Variants in NLGN1 observed in about 807,000 individuals in gnomAD.
NLGN1 encodes neuroligin 1, also known as neuroligin-1.
A neutral mutation model predicts 65.5 loss-of-function variants in NLGN1; 12 were observed. The ratio of observed to expected loss-of-function variants is 0.18; its 90% CI spans 0.12 to 0.30. The LOEUF (loss-of-function observed/expected upper bound fraction) is 0.30, where lower values mean the gene tolerates loss of function less well. NLGN1 is among the 10% of genes least tolerant of loss of function. The pLI is 1.00. For missense variants in NLGN1, 750 were observed against 1,007.1 expected (o/e 0.74, Z 3.46); for synonymous variants, 350 against 359.5 (o/e 0.97, Z 0.30).
rs191817642 is a variant in NLGN1, at chr3:173,717,590, T to C, written c.494-90090T>C. 1.0e-3 allele frequency among the ~76,000 whole-genome samples: 155 copies of C among 152,300 alleles called. 1 individual carries two copies. The highest frequency in any genetic ancestry group is 3.6e-3 in the African/African-American group (148 of 41,574). On this transcript the variant is annotated intron_variant, in intron 3 of 6. Coordinates refer to ENST00000457714, the Ensembl canonical transcript of NLGN1. Reference sequence around the variant, plus strand: ...TAACCTCAGTACAGGCAATGAATTGTATTTTCTTTTTTATTATAATTGATG... The same window carrying C: ...TAACCTCAGTACAGGCAATGAATTGCATTTTCTTTTTTATTATAATTGATG...
intron 4 of NLGN1, among the ~76,000 whole-genome samples, chr3:173,829,973 CTT>C (rs1722170746): frequency 7.2e-6 from 1 of 138,872 alleles, no homozygotes; most frequent in Admixed American, 7.3e-5. Flanking sequence ...TGCCCGGTGA[CTT>C]TGGGTAGGTT....
chr3:173,465,810 C>G (rs1305458832), intron 2 of NLGN1, among the ~76,000 whole-genome samples: 1 of 151,964 alleles, frequency 6.6e-6, no homozygotes, highest in African/African-American at 2.4e-5. Context: ...CCTCCAACAT[C>G]TAGTGAGAAA....
chr3:173,591,682 G>A (rs1748510369), intron 2 of NLGN1, among the ~76,000 whole-genome samples: 1 of 152,010 alleles, frequency 6.6e-6, no homozygotes, highest in African/African-American at 2.4e-5. Context: ...TGGCAACAAG[G>A]GATTTTTTTT....
At chr3:173,562,009 G>GGTTTTT (rs986274178) in intron 2 of NLGN1, among the ~76,000 whole-genome samples, 7 of 152,170 alleles carry the variant, frequency 4.6e-5, no homozygotes, top group African/African-American at 1.4e-4. Context: ...GCACAGTTAA[G>GGTTTTT]GTTTTTGTTT....
At chr3:173,577,226 A>G (rs1037529816) in intron 2 of NLGN1, among the ~76,000 whole-genome samples, 1 of 152,216 alleles carries the variant, frequency 6.6e-6, no homozygotes, top group East Asian at 1.9e-4. Context: ...GAGGATGTGA[A>G]TTGTGAGTTG....
intron 3 of NLGN1, among the ~76,000 whole-genome samples, chr3:173,799,194 A>T (rs1396567421): frequency 6.6e-6 from 1 of 151,876 alleles, no homozygotes; most frequent in African/African-American, 2.4e-5. Flanking sequence ...GCTGTCTTTT[A>T]ACTTGAGTGT....
intron 4 of NLGN1, among the ~76,000 whole-genome samples, chr3:174,054,120 C>G (rs1205491814): frequency 6.6e-6 from 1 of 151,990 alleles, no homozygotes; most frequent in Admixed American, 6.6e-5. Flanking sequence ...TCTTTGTGAA[C>G]TATAGGTATG....
At chr3:173,530,429 A>T (rs558290366) in intron 2 of NLGN1, among the ~76,000 whole-genome samples, 1 of 152,328 alleles carries the variant, frequency 6.6e-6, no homozygotes, top group South Asian at 2.1e-4. Context: ...ATGAAACAGA[A>T]GTTAAACTCA....
chr3:173,627,409 C>A (rs994143813), intron 3 of NLGN1, among the ~76,000 whole-genome samples: 3 of 152,034 alleles, frequency 2.0e-5, no homozygotes. Context: ...ATTACACACA[C>A]ACACACATCA....
chr3:173,747,466 G>A (rs1449373111), intron 3 of NLGN1, among the ~76,000 whole-genome samples: 3 of 149,188 alleles, frequency 2.0e-5, no homozygotes, highest in Non-Finnish European at 4.4e-5. Flanking sequence ...AAAAGTATTT[G>A]GTTAACGTCT....
intron 4 of NLGN1, among the ~76,000 whole-genome samples, chr3:173,944,399 C>G (rs1200595013): frequency 1.3e-5 from 2 of 152,040 alleles, no homozygotes; most frequent in Non-Finnish European, 2.9e-5. Context: ...TCAATAGAAA[C>G]CATCTCTGCA....
chr3:174,275,359 C>T (rs1018648019), exon 5 of NLGN1: 17 of 1,612,456 alleles, frequency 1.1e-5, no homozygotes, highest in African/African-American at 2.7e-5. Flanking sequence ...GAACTATGGA[C>T]TCCTTGATCT....
chr3:174,267,397 C>G (rs931722968), intron 4 of NLGN1, among the ~76,000 whole-genome samples: 1 of 152,130 alleles, frequency 6.6e-6, no homozygotes, highest in Non-Finnish European at 1.5e-5. Flanking sequence ...CACTGGGGAT[C>G]AATTTTCAAC....
intron 4 of NLGN1, among the ~76,000 whole-genome samples, chr3:174,017,334 C>T (rs1356849123): frequency 6.6e-6 from 1 of 152,056 alleles, no homozygotes; most frequent in Admixed American, 6.6e-5. Context: ...TATTCAAAGC[C>T]AGGTGTATGA....
At chr3:174,283,775 T>C (rs1221392562) in exon 7 of NLGN1, 1 of 151,482 alleles carries the variant, frequency 6.6e-6, no homozygotes, top group East Asian at 1.9e-4. Context: ...AGCTTTTGAC[T>C]GAGGTGGTTA....
At chr3:174,251,837 A>G (rs1744818070) in intron 4 of NLGN1, among the ~76,000 whole-genome samples, 1 of 152,186 alleles carries the variant, frequency 6.6e-6, no homozygotes, top group South Asian at 2.1e-4. Context: ...TGAAGAGTAA[A>G]GAAAGTATTT....
At chr3:174,220,303 TCA>T in intron 4 of NLGN1, among the ~76,000 whole-genome samples, 1 of 152,046 alleles carries the variant, frequency 6.6e-6, no homozygotes, top group Non-Finnish European at 1.5e-5. Context: ...ACCAATAAAA[TCA>T]AAATTTTGGT....
intron 1 of NLGN1, among the ~76,000 whole-genome samples, chr3:173,412,925 G>A (rs922549041): frequency 6.6e-5 from 10 of 152,290 alleles, no homozygotes; most frequent in African/African-American, 1.9e-4. Context: ...TTCTTAGGTC[G>A]CTTTCCACGT....
chr3:173,757,593 T>G (rs996097384), intron 3 of NLGN1, among the ~76,000 whole-genome samples: 1 of 152,008 alleles, frequency 6.6e-6, no homozygotes, highest in Non-Finnish European at 1.5e-5. Flanking sequence ...AAAAGAGGGT[T>G]ATAATTTTAA....
Sources: gnomAD v4.1 joint callset for allele counts (sites outside exome capture counted in the v4.1 genomes callset) on GRCh38, gnomAD v4.1.1 for gene constraint, MANE v1.5 for transcripts, NCBI Gene and HGNC (gene_info 2026-07-23, HGNC 2026-07-21) for gene names.